The following LRRC47 variants were observed in gnomAD, a reference collection of about 807,000 sequenced individuals.
LRRC47 encodes the protein leucine-rich repeat-containing protein 47.
Under a neutral mutation model 40.9 loss-of-function variants are expected in LRRC47, and 31 were observed. The observed-to-expected ratio is 0.76, with a 90% CI of 0.57 to 1.02. The LOEUF is 1.02. Among genes scored for constraint, LRRC47 ranks in the 50% least tolerant of loss-of-function variants. LRRC47 has a pLI of 0.00. For synonymous variants in LRRC47, 427 were observed against 371.9 expected, an observed-to-expected ratio of 1.15 and a Z score of -1.70; for missense variants, 726 against 796.1, an observed-to-expected ratio of 0.91 and a Z score of 1.06.
intron 1 of LRRC47, among the ~76,000 whole-genome samples, chr1:3,790,473 C>A (rs34094195): frequency 3.3e-5 from 5 of 152,302 alleles, no homozygotes; most frequent in Admixed American, 3.3e-4. Context: ...CATTCCCACA[C>A]GGACACCACA....
At chr1:3,792,956 G>C (rs1156244467) in intron 1 of LRRC47, among the ~76,000 whole-genome samples, 3 of 152,170 alleles carry the variant, frequency 2.0e-5, no homozygotes, top group African/African-American at 7.2e-5. Flanking sequence ...TAGTCCTAGA[G>C]GGATGCCTAC....
intron 1 of LRRC47, among the ~76,000 whole-genome samples, chr1:3,795,338 C>T (rs1300814788): frequency 6.6e-6 from 1 of 152,234 alleles, no homozygotes; most frequent in East Asian, 1.9e-4. Flanking sequence ...AAGTTACCTG[C>T]TGCTTACTTT....
intron 1 of LRRC47, among the ~76,000 whole-genome samples, chr1:3,790,979 G>A (rs942247746): frequency 1.3e-5 from 2 of 152,234 alleles, no homozygotes; most frequent in East Asian, 1.9e-4. Context: ...CCCACGGAAC[G>A]CAGGAAAGTG....
intron 1 of LRRC47, among the ~76,000 whole-genome samples, chr1:3,795,099 G>A (rs993523819): frequency 6.8e-6 from 1 of 147,518 alleles, no homozygotes; most frequent in Non-Finnish European, 1.5e-5. Context: ...ATTCAAAGAC[G>A]AAAAATGGGG....
At position 3,792,135 on chromosome 1, in the gene LRRC47, T is replaced by C. The variant is rs530412367; in HGVS notation, c.615+3727A>G. On this transcript the variant is annotated intron_variant, in intron 1 of 6. Transcript: ENST00000378251. Reference sequence around the variant, plus strand: ...GCACCAGGAAGGACATCAAATGCATTTGCCTTTGTGTGCGAAATTCCAATG... The same window carrying C: ...GCACCAGGAAGGACATCAAATGCATCTGCCTTTGTGTGCGAAATTCCAATG... 3.3e-5 allele frequency among the ~76,000 whole-genome samples: 5 copies of C among 152,302 alleles called. No homozygotes were observed. The South Asian group carries it at 6.2e-4, about 19-fold the overall frequency.
Position 3,786,851 on chromosome 1 carries a change from G to A in LRRC47, c.1075C>T (p.Gln359Ter). Residue 359 changes from glutamine to a stop codon, truncating the protein, a stop_gained and splice_region_variant, in exon 2 of 7, where the codon CAG (glutamine) becomes TAG (stop). Transcript: ENST00000378251. LOFTEE classifies it high-confidence loss of function. ...GNALKRFLTS[Q>*]TKLHEDLCEK... ...TGAGGACCCCCACGGGCACCCACCT[G>A]CGAGGTGAGGAAGCGCTTGAGTGCA... 1.3e-6 allele frequency: 2 copies of A among 1,585,776 alleles called. No homozygotes were observed. Among genetic ancestry groups the A allele is most frequent in the Non-Finnish European group, 1.7e-6 (2 of 1,164,400 alleles).
intron 5 of LRRC47, among the ~76,000 whole-genome samples, chr1:3,781,905 C>T (rs1415599901): frequency 2.0e-5 from 3 of 152,180 alleles, no homozygotes; most frequent in Non-Finnish European, 4.4e-5. Flanking sequence ...CGCTTAAGCC[C>T]AAGAGTTTGA....
chr1:3,784,235 G>C, intron 3 of LRRC47, 124 bp from the exon 4 acceptor site: 1 of 781,826 alleles, frequency 1.3e-6, no homozygotes, highest in Non-Finnish European at 2.1e-6. Flanking sequence ...CTCTACAGCA[G>C]GCAGGGAGCA....
At chr1:3,790,913 G>A (rs930727019) in intron 1 of LRRC47, among the ~76,000 whole-genome samples, 12 of 152,238 alleles carry the variant, frequency 7.9e-5, no homozygotes, top group Middle Eastern at 3.4e-3. Context: ...TTATTTTGGC[G>A]GCCCCTAAAG....
chr1:3,781,362 C>A, intron 6 of LRRC47, 26 bp from the exon 7 acceptor site: 1 of 1,607,134 alleles, frequency 6.2e-7, no homozygotes, highest in Non-Finnish European at 8.5e-7. Context: ...ACCTTTTTAA[C>A]CTGGAGATGA....
rs545670050 is a variant in LRRC47 at position 3,788,009 on chromosome 1, G to A, written c.616-699C>T. The stretch of plus-strand genomic sequence containing the variant: ...CCACGGGAAAGCGTTTTCTATGACC[G>A]TGACTGATCAGACTTTGGCAAAACG... On this transcript the variant is annotated intron_variant, in intron 1 of 6. Transcript: ENST00000378251. 6.6e-5 allele frequency among the ~76,000 whole-genome samples: 10 copies of A among 152,354 alleles called. No individual in the cohort carries two copies. In the South Asian group the frequency reaches 1.4e-3, roughly 22 times the overall value.
intron 3 of LRRC47, 41 bp from the exon 4 acceptor site, chr1:3,784,152 C>G (rs372376497): frequency 1.3e-6 from 2 of 1,535,176 alleles, no homozygotes; most frequent in Non-Finnish European, 1.8e-6. Context: ...GGGTCACAGC[C>G]ACAGAACTCG....
intron 1 of LRRC47, among the ~76,000 whole-genome samples, chr1:3,793,044 G>A (rs766323775): frequency 6.6e-6 from 1 of 152,006 alleles, no homozygotes; most frequent in Non-Finnish European, 1.5e-5. Flanking sequence ...TGCAAAAACT[G>A]TAACAGTGAG....
At chr1:3,791,862 C>T (rs1643629940) in intron 1 of LRRC47, among the ~76,000 whole-genome samples, 1 of 152,116 alleles carries the variant, frequency 6.6e-6, no homozygotes. Flanking sequence ...TAAGCGTTCA[C>T]CCCACCTCAG....
chr1:3,778,888 G>C lies in LRRC47; in HGVS notation c.*2200C>G, dbSNP rs1463291986. Reference sequence around the variant, plus strand: ...AATCACCTCTCAGAGCAACTGTCTGGGGTCCCCAGCCCCAGAACTCCAGCA... The same window carrying C: ...AATCACCTCTCAGAGCAACTGTCTGCGGTCCCCAGCCCCAGAACTCCAGCA... On this transcript the variant is annotated 3_prime_UTR_variant, in exon 7 of 7. Transcript: ENST00000378251. The C allele has an allele frequency of 6.6e-6, 1 of 152,246 alleles. No homozygotes were observed. The highest frequency in any genetic ancestry group is 1.5e-5 in the Non-Finnish European group (1 of 68,060). 9.4% of individuals were successfully genotyped at this position (152,246 alleles called of 1,614,324 possible).
chr1:3,787,211 C>A lies in LRRC47; in HGVS notation c.715G>T (p.Asp239Tyr). 6.2e-7 allele frequency: 1 copy of A among 1,613,858 alleles called. No homozygotes were observed. The highest frequency in any genetic ancestry group is 8.5e-7 in the Non-Finnish European group (1 of 1,180,046). The change falls in exon 2 of 7, where the codon GAC becomes TAC. Residue 239 changes from aspartate to tyrosine, a missense_variant. Transcript: ENST00000378251. ...CTGACCATCTTCTCCAGGCGCTTGT[C>A]CCTCAGCTTGTTCCCACGGAAATTG... ...EINFRGNKLR[D>Y]KRLEKMVSGC...
intron 1 of LRRC47, among the ~76,000 whole-genome samples, chr1:3,795,107 G>C (rs1227852196): frequency 1.3e-5 from 2 of 151,318 alleles, no homozygotes; most frequent in Admixed American, 1.3e-4. Context: ...ACGAAAAATG[G>C]GGGAAGAAAT....
intron 3 of LRRC47, 54 bp downstream of exon 3, chr1:3,785,033 T>C: frequency 7.3e-7 from 1 of 1,371,314 alleles, no homozygotes; most frequent in Middle Eastern, 2.0e-4. Context: ...CAGCATGGCG[T>C]CTTTCGACAC....
rs556652073 is a variant in LRRC47 at position 3,789,795 on chromosome 1, C to T, written c.616-2485G>A. 7.9e-5 allele frequency among the ~76,000 whole-genome samples: 12 copies of T among 152,320 alleles called. No homozygotes were observed. The South Asian group carries it at 2.3e-3, about 29-fold the overall frequency. On this transcript the variant is annotated intron_variant, in intron 1 of 6. Coordinates refer to ENST00000378251, the MANE Select transcript of LRRC47 (RefSeq NM_020710.3). ...GGAGTCCTTGTCAGAAATGCAAGGC[C>T]CTGCTGACGAGGTCGCACGCTGGCC...
Sources: allele counts gnomAD v4.1 joint callset (sites outside exome capture counted in the v4.1 genomes callset), GRCh38; gene constraint gnomAD v4.1.1; transcripts MANE v1.5; gene names NCBI Gene and HGNC (gene_info 2026-07-23, HGNC 2026-07-21).